Variants in ZRANB3 observed in about 807,000 individuals in gnomAD.
The protein encoded by ZRANB3 is zinc finger RANBP2-type containing 3.
In ZRANB3, 125 loss-of-function variants were observed where a neutral mutation model predicts 133.8. That is an observed-to-expected ratio of 0.93 (90% CI 0.81 to 1.08). The LOEUF (loss-of-function observed/expected upper bound fraction) is 1.08, where lower values mean the gene tolerates loss of function less well. Among genes scored for constraint, ZRANB3 ranks in the 50% least tolerant of loss-of-function variants. The probability of loss-of-function intolerance (pLI) is 0.00; values close to 1 mark genes in which losing one functional copy is unlikely to be tolerated. For missense variants in ZRANB3, 1,229 were observed against 1,275.5 expected (o/e 0.96, Z 0.56); for synonymous variants, 387 against 432.7 (o/e 0.89, Z 1.31).
intron 2 of ZRANB3, among the ~76,000 whole-genome samples, chr2:135,486,929 A>G (rs931674096): frequency 1.4e-4 from 22 of 152,336 alleles, no homozygotes; most frequent in Admixed American, 4.6e-4. Context: ...AATGTCCTTA[A>G]TGGCATCTAG....
At chr2:135,275,612 T>C in intron 9 of ZRANB3, 24 bp downstream of exon 9, 2 of 1,552,510 alleles carry the variant, frequency 1.3e-6, no homozygotes, top group Non-Finnish European at 8.7e-7. Flanking sequence ...CTAAAAAGTA[T>C]TTAGTTAAAA....
chr2:135,499,200 A>C (rs1692825360), intron 2 of ZRANB3, among the ~76,000 whole-genome samples: 1 of 152,076 alleles, frequency 6.6e-6, no homozygotes, highest in African/African-American at 2.4e-5. Flanking sequence ...TTTATTTCTC[A>C]GGCCAGCCGA....
intron 2 of ZRANB3, among the ~76,000 whole-genome samples, chr2:135,397,164 C>T (rs6742142): frequency 0.19 from 28,900 of 151,596 alleles, 3,689 homozygotes; most frequent in African/African-American, 0.34. Context: ...ACCAAGAGAC[C>T]GGACAAGGTG....
intron 2 of ZRANB3, among the ~76,000 whole-genome samples, chr2:135,405,116 T>G (rs1687946112): frequency 6.6e-6 from 1 of 151,934 alleles, no homozygotes; most frequent in African/African-American, 2.4e-5. Context: ...AATAAAGGGA[T>G]GGAGGAAGAT....
chr2:135,328,141 G>T (rs1379581317), intron 6 of ZRANB3, among the ~76,000 whole-genome samples: 1 of 151,920 alleles, frequency 6.6e-6, no homozygotes. Flanking sequence ...AGGTTTACAT[G>T]TGCCACGTTG....
At chr2:135,288,909 T>TGTGTGTGTG (rs1491538063) in intron 8 of ZRANB3, among the ~76,000 whole-genome samples, 1 of 149,694 alleles carries the variant, frequency 6.7e-6, no homozygotes, top group African/African-American at 2.5e-5. Flanking sequence ...TGTGTGTGTG[T>TGTGTGTGTG]TGTTTCAATT....
In ZRANB3 at chr2:135,200,451, A is replaced by C; in HGVS notation, c.3142-11T>G. ...TTGTCTGGCAGTTCTCTAAAAGTTA[A>C]AAAATATGCATGTGTACACGTTAGG... is the stretch of plus-strand genomic sequence containing the variant. On this transcript the variant is annotated splice_polypyrimidine_tract_variant and intron_variant, in intron 20 of 20. Coordinates refer to ENST00000264159, the MANE Select transcript of ZRANB3 (RefSeq NM_032143.4). 6.3e-7 allele frequency: 1 copy of C among 1,581,732 alleles called. No homozygotes were observed. Among genetic ancestry groups the C allele is most frequent in the Non-Finnish European group, 8.6e-7 (1 of 1,160,410 alleles).
rs1692476762 is a variant in ZRANB3 at position 135,493,131 on chromosome 2, AT to A, written c.161+11197del. ...TATATATATATATATATATATATAT[AT>A]ATATATATATATATATATATATATA... On this transcript the variant is annotated intron_variant, in intron 2 of 20. Transcript: ENST00000264159. 1.2e-4 allele frequency among the ~76,000 whole-genome samples: 5 copies of A among 42,374 alleles called. 1 individual carries two copies. In the East Asian group the frequency reaches 3.2e-3, roughly 27 times the overall value. The allele number at this position is 42,374 out of a possible 152,430, so 27.8% of individuals were successfully genotyped here.
intron 2 of ZRANB3, among the ~76,000 whole-genome samples, chr2:135,405,251 G>T (rs764850212): frequency 6.6e-6 from 1 of 152,132 alleles, no homozygotes; most frequent in Non-Finnish European, 1.5e-5. Context: ...AAAGGGATAA[G>T]TTCAACAAGA....
At chr2:135,477,892 G>A (rs1691571628) in intron 2 of ZRANB3, among the ~76,000 whole-genome samples, 2 of 152,018 alleles carry the variant, frequency 1.3e-5, no homozygotes, top group Non-Finnish European at 2.9e-5. Flanking sequence ...AGGCTGAGGT[G>A]GAAGGAGGAC....
At chr2:135,413,831 C>T (rs1688427596) in intron 2 of ZRANB3, among the ~76,000 whole-genome samples, 1 of 151,972 alleles carries the variant, frequency 6.6e-6, no homozygotes, top group South Asian at 2.1e-4. Flanking sequence ...AATTTTCAAC[C>T]CAGAATTTCA....
At chr2:135,325,893 C>T (rs150138512) in intron 6 of ZRANB3, among the ~76,000 whole-genome samples, 6 of 152,096 alleles carry the variant, frequency 3.9e-5, no homozygotes, top group Non-Finnish European at 7.4e-5. Context: ...GATCTAAATA[C>T]GAACATGGAA....
At chr2:135,319,673 A>G (rs1683425391) in intron 6 of ZRANB3, among the ~76,000 whole-genome samples, 1 of 152,180 alleles carries the variant, frequency 6.6e-6, no homozygotes, top group Non-Finnish European at 1.5e-5. Flanking sequence ...ATCTGGCACC[A>G]TAAGACACGT....
intron 2 of ZRANB3, among the ~76,000 whole-genome samples, chr2:135,452,025 G>A (rs990236083): frequency 1.3e-5 from 2 of 152,304 alleles, no homozygotes; most frequent in South Asian, 4.1e-4. Flanking sequence ...ATAAACATTT[G>A]TATTAGTCTG....
chr2:135,502,447 T>C (rs1358530340), intron 2 of ZRANB3, among the ~76,000 whole-genome samples: 1 of 152,244 alleles, frequency 6.6e-6, no homozygotes, highest in Admixed American at 6.5e-5. Context: ...AGGCATTTTA[T>C]TTCACCATTA....
chr2:135,366,306 G>T (rs928662125), intron 3 of ZRANB3, among the ~76,000 whole-genome samples: 2 of 149,062 alleles, frequency 1.3e-5, no homozygotes, highest in African/African-American at 4.9e-5. Flanking sequence ...CTTTGTGAAA[G>T]TTTTTTTTTT....
At chr2:135,439,866 TTAG>T (rs1689704599) in intron 2 of ZRANB3, among the ~76,000 whole-genome samples, 1 of 152,230 alleles carries the variant, frequency 6.6e-6, no homozygotes, top group Non-Finnish European at 1.5e-5. Context: ...ATGAAGATTT[TTAG>T]TAGCAGTGAC....
intron 2 of ZRANB3, among the ~76,000 whole-genome samples, chr2:135,493,124 T>A (rs184432105): frequency 3.6e-4 from 6 of 16,522 alleles, no homozygotes; most frequent in African/African-American, 1.9e-3. Flanking sequence ...TATATATATA[T>A]ATATATATAT....
intron 3 of ZRANB3, among the ~76,000 whole-genome samples, chr2:135,390,233 G>C (rs979876624): frequency 8.6e-5 from 13 of 152,010 alleles, no homozygotes; most frequent in Admixed American, 6.6e-4. Context: ...TTTCTCAAAC[G>C]GTTGTTAAAA....
Sources: gnomAD v4.1 joint callset for allele counts (sites outside exome capture counted in the v4.1 genomes callset) on GRCh38, gnomAD v4.1.1 for gene constraint, MANE v1.5 for transcripts, NCBI Gene and HGNC (gene_info 2026-07-23, HGNC 2026-07-21) for gene names.